DIP2C: variants seen among roughly 807,000 people sequenced by gnomAD.
DIP2C encodes DIP2 acetate--CoA ligase C (putative).
DIP2C carries 33 observed loss-of-function variants against 192.4 expected under a neutral mutation model. That is an observed-to-expected ratio of 0.17 (90% CI 0.13 to 0.23). DIP2C has a LOEUF of 0.23. Among genes scored for constraint, DIP2C ranks in the 10% least tolerant of loss-of-function variants. The pLI is 1.00. For synonymous variants in DIP2C, 979 were observed against 864.1 expected, an observed-to-expected ratio of 1.13 and a Z score of -2.33; for missense variants, 1,537 against 2,110.1, an observed-to-expected ratio of 0.73 and a Z score of 5.32.
At chr10:318,214 C>T (rs555731716) in intron 31 of DIP2C, among the ~76,000 whole-genome samples, 9 of 152,260 alleles carry the variant, frequency 5.9e-5, no homozygotes, top group African/African-American at 1.7e-4. Flanking sequence ...CCTCCTGTAT[C>T]GGGAGAACTC....
chr10:422,999 C>T lies in DIP2C; in HGVS notation c.429G>A (p.Val143=), dbSNP rs1966309367. Residue 143 remains valine (V), a synonymous_variant, in exon 5 of 37, where the codon GTG becomes GTA. Coordinates refer to ENST00000280886, the MANE Select transcript of DIP2C (RefSeq NM_014974.3). The stretch of plus-strand genomic sequence containing the variant: ...TGGGGGTGCCCTGGGAGTCCCCCTG[C>T]ACTGAGCCTTCATCTTCTGAGCCAG... The part of the protein sequence containing the change: ...TSSGSEDEGS[V]QGDSQGTPTS... The T allele has an allele frequency of 6.2e-7, 1 of 1,613,270 alleles. No homozygotes were observed. Among genetic ancestry groups the T allele is most frequent in the Non-Finnish European group, 8.5e-7 (1 of 1,179,490 alleles).
At chr10:660,313 CCT>C (rs1290100049) in intron 1 of DIP2C, among the ~76,000 whole-genome samples, 1 of 151,008 alleles carries the variant, frequency 6.6e-6, no homozygotes, top group Admixed American at 6.6e-5. Context: ...AGCCCTTGTC[CCT>C]GTTTCAAGCT....
chr10:570,067 C>CCA (rs1337655155), intron 1 of DIP2C, among the ~76,000 whole-genome samples: 8 of 152,248 alleles, frequency 5.3e-5, no homozygotes, highest in African/African-American at 1.7e-4. Context: ...ATGCCAAGAG[C>CCA]CACTCAAGGC....
At chr10:451,296 CA>C (rs33919726) in intron 3 of DIP2C, among the ~76,000 whole-genome samples, 24,663 of 152,162 alleles carry the variant, frequency 0.16, 5,193 homozygotes, top group African/African-American at 0.49. Context: ...CCTCAAACCT[CA>C]ACACTTTGTC....
intron 17 of DIP2C, 78 bp from the exon 18 acceptor site, chr10:369,711 G>C: frequency 6.2e-7 from 1 of 1,608,754 alleles, no homozygotes; most frequent in Non-Finnish European, 8.5e-7. Context: ...CAGCACACAT[G>C]CGGCAGGCTG....
chr10:681,673 C>A (rs546848737), intron 1 of DIP2C, among the ~76,000 whole-genome samples: 1 of 152,208 alleles, frequency 6.6e-6, no homozygotes, highest in Admixed American at 6.5e-5. Context: ...GGTACAGCCA[C>A]CATCTACGGC....
At chr10:416,213 A>C (rs1250104373) in intron 6 of DIP2C, among the ~76,000 whole-genome samples, 1 of 151,784 alleles carries the variant, frequency 6.6e-6, no homozygotes, top group Non-Finnish European at 1.5e-5. Flanking sequence ...CAGAGGGCAG[A>C]CTCCTCATTC....
chr10:369,782 T>G, intron 17 of DIP2C, 149 bp from the exon 18 acceptor site: 1 of 1,411,696 alleles, frequency 7.1e-7, no homozygotes, highest in South Asian at 1.2e-5. Context: ...TGTGGCTGCA[T>G]TAGGGGATGC....
chr10:457,024 G>C (rs759570905), intron 3 of DIP2C, among the ~76,000 whole-genome samples: 27 of 152,120 alleles, frequency 1.8e-4, no homozygotes, highest in Non-Finnish European at 1.0e-4. Context: ...TTGATTCCTA[G>C]ATTTTCCATC....
At chr10:445,654 ACAT>A (rs200405896) in intron 3 of DIP2C, among the ~76,000 whole-genome samples, 23,482 of 150,726 alleles carry the variant, frequency 0.16, 4,841 homozygotes, top group African/African-American at 0.48. Flanking sequence ...GCATCTGTAT[ACAT>A]CTGTTGTGAA....
intron 1 of DIP2C, among the ~76,000 whole-genome samples, chr10:657,295 C>T (rs1856420061): frequency 4.4e-5 from 1 of 22,734 alleles, no homozygotes. Context: ...GCCACTGGAC[C>T]TGTCCCTGGA....
rs569065384 is a variant in DIP2C at position 547,533 on chromosome 10, G to A, written c.86-61003C>T. On this transcript the variant is annotated intron_variant, in intron 1 of 36. Coordinates refer to ENST00000280886, the MANE Select transcript of DIP2C (RefSeq NM_014974.3). ...CAGGCAGACAGTGAGGTACCCAGCA[G>A]GGTTCACATTATCCAGGAGGAAGGG... is the stretch of plus-strand genomic sequence containing the variant. Among the ~76,000 whole-genome samples, 34 of 152,322 alleles carry A rather than the reference G, an allele frequency of 2.2e-4. No homozygotes were observed. In the South Asian group the frequency reaches 7.0e-3, roughly 32 times the overall value.
Position 587,002 on chromosome 10 carries a change from G to A in DIP2C, c.86-100472C>T, listed in dbSNP as rs191614241. ...GTCCCCACTGACAGCATGGCGAGGT[G>A]CAAACAGTGCAGGGTCTAAGGCCGG... On this transcript the variant is annotated intron_variant, in intron 1 of 36. Transcript: ENST00000280886. Among the ~76,000 whole-genome samples, 189 of 141,432 alleles carry A rather than the reference G, an allele frequency of 1.3e-3. 1 individual carries two copies. Among genetic ancestry groups the A allele is most frequent in the South Asian group, 8.7e-3 (40 of 4,616 alleles). The allele number at this position is 141,432 out of a possible 152,430, so 92.8% of individuals were successfully genotyped here.
intron 1 of DIP2C, among the ~76,000 whole-genome samples, chr10:511,268 C>A (rs918428229): frequency 1.3e-5 from 2 of 152,186 alleles, no homozygotes; most frequent in Admixed American, 6.5e-5. Flanking sequence ...GTGTGTCCTG[C>A]CAATCCAGCG....
chr10:419,273 AG>A, intron 5 of DIP2C, 74 bp from the exon 6 acceptor site: 1 of 1,601,338 alleles, frequency 6.2e-7, no homozygotes, highest in Non-Finnish European at 8.5e-7. Context: ...GCCACAGCCC[AG>A]GAAGAGACTG....
chr10:286,221 C>T (rs1955117620), intron 34 of DIP2C, 52 bp downstream of exon 34: 2 of 1,574,772 alleles, frequency 1.3e-6, no homozygotes, highest in Non-Finnish European at 1.7e-6. Flanking sequence ...CAAGGCAAGC[C>T]AAGGATACAT....
At chr10:462,746 C>T (rs1969897254) in intron 3 of DIP2C, among the ~76,000 whole-genome samples, 1 of 152,182 alleles carries the variant, frequency 6.6e-6, no homozygotes, top group Non-Finnish European at 1.5e-5. Flanking sequence ...GGCCGATATC[C>T]CTGATGAACA....
intron 1 of DIP2C, among the ~76,000 whole-genome samples, chr10:618,588 T>TAC (rs10641574): frequency 0.46 from 29,611 of 63,722 alleles, 5,060 homozygotes; most frequent in African/African-American, 0.54. Flanking sequence ...TGTATGAATT[T>TAC]AGTCATGACT....
At position 677,995 on chromosome 10, in the gene DIP2C, C is replaced by T. The variant is rs77702673; in HGVS notation, c.85+11499G>A. Among the ~76,000 whole-genome samples, 13 of 152,372 alleles carry T rather than the reference C, an allele frequency of 8.5e-5. No individual in the cohort carries two copies. The East Asian group carries it at 2.5e-3, about 29-fold the overall frequency. On this transcript the variant is annotated intron_variant, in intron 1 of 36. Coordinates refer to ENST00000280886, the MANE Select transcript of DIP2C (RefSeq NM_014974.3). ...CAAGAATGCCCATGTCATGAGCCCC[C>T]GCTGCAGAGCATAGCCCGAAGGTGC...
Sources: allele counts gnomAD v4.1 joint callset (sites outside exome capture counted in the v4.1 genomes callset), GRCh38; gene constraint gnomAD v4.1.1; transcripts MANE v1.5; gene names NCBI Gene and HGNC (gene_info 2026-07-23, HGNC 2026-07-21).